Variants in PRDM16 observed in about 807,000 individuals in gnomAD.
The protein encoded by PRDM16 is histone-lysine N-methyltransferase PRDM16.
A neutral mutation model predicts 110.6 loss-of-function variants in PRDM16; 23 were observed. The observed-to-expected ratio is 0.21, with a 90% CI of 0.15 to 0.29. The LOEUF is 0.29. PRDM16 is among the 10% of genes least tolerant of loss of function. The pLI, the probability that PRDM16 is intolerant of heterozygous loss-of-function variation, is 1.00. For missense variants in PRDM16, 1,615 were observed against 1,794.3 expected, an observed-to-expected ratio of 0.90 and a Z score of 1.81; for synonymous variants, 799 against 781.8, an observed-to-expected ratio of 1.02 and a Z score of -0.37.
Position 3,436,187 on chromosome 1 carries a change from G to GT in PRDM16, c.*2377dup, listed in dbSNP as rs1419430950. ...ATTATATGGTTTCTTCTGCGAAAGA[G>GT]TAAGGTGTGTGCTTTTTTTTTTTTG... On this transcript the variant is annotated 3_prime_UTR_variant, in exon 17 of 17. Coordinates refer to ENST00000270722, the MANE Select transcript of PRDM16 (RefSeq NM_022114.4). 2.0e-5 allele frequency: 4 copies of GT among 199,564 alleles called. No individual in the cohort carries two copies. The highest frequency in any genetic ancestry group is 3.7e-5 in the Non-Finnish European group (4 of 107,686). 12.4% of individuals were successfully genotyped at this position (199,564 alleles called of 1,614,324 possible). A position where few individuals can be genotyped will look rare whatever the true frequency, so the allele number is the denominator to read the frequency against.
chr1:3,402,473 C>T lies in PRDM16; in HGVS notation c.677-318C>T, dbSNP rs367573459. On this transcript the variant is annotated intron_variant, in intron 5 of 16. Coordinates refer to ENST00000270722, the MANE Select transcript of PRDM16 (RefSeq NM_022114.4). Reference sequence around the variant, plus strand: ...TTGGCCCGGCTTCCTCCTCCACTCCCGAGCGGGGCCTTCTCCAGCCCACAG... The same window carrying T: ...TTGGCCCGGCTTCCTCCTCCACTCCTGAGCGGGGCCTTCTCCAGCCCACAG... 6.5e-4 allele frequency among the ~76,000 whole-genome samples: 99 copies of T among 152,368 alleles called. No individual in the cohort carries two copies. The South Asian group carries it at 0.014, about 21-fold the overall frequency.
At chr1:3,086,734 C>G (rs543271338) in intron 1 of PRDM16, among the ~76,000 whole-genome samples, 1 of 152,176 alleles carries the variant, frequency 6.6e-6, no homozygotes, top group Non-Finnish European at 1.5e-5. Context: ...TCGGAGCTAA[C>G]GAGTGGTTCT....
intron 1 of PRDM16, among the ~76,000 whole-genome samples, chr1:3,095,919 C>T (rs968777712): frequency 1.3e-5 from 2 of 152,092 alleles, no homozygotes; most frequent in Admixed American, 6.5e-5. Context: ...GAGGTCCGCT[C>T]AGCATCTGAC....
chr1:3,203,852 C>T lies in PRDM16; in HGVS notation c.387+17378C>T, dbSNP rs190807689. ...TCAGCAGGTGAATTCGGGGGGGGCACAATTTACATAGATCCCTTAGACATC... is the reference window on the plus strand; with the variant it reads ...TCAGCAGGTGAATTCGGGGGGGGCATAATTTACATAGATCCCTTAGACATC... On this transcript the variant is annotated intron_variant, in intron 2 of 16. Transcript: ENST00000270722. Among the ~76,000 whole-genome samples the T allele has an allele frequency of 4.4e-3, 675 of 152,208 alleles. 4 individuals carry two copies. The highest frequency in any genetic ancestry group is 0.016 in the South Asian group (76 of 4,814).
chr1:3,294,605 G>A (rs79530166), intron 3 of PRDM16, among the ~76,000 whole-genome samples: 1,896 of 152,100 alleles, frequency 0.012, 38 homozygotes, highest in African/African-American at 0.043. Flanking sequence ...GGAGCAGCCC[G>A]CGTTAGAACA....
In PRDM16 at chr1:3,142,382, C is replaced by T. The variant is rs561292724; in HGVS notation, c.38-43743C>T. On this transcript the variant is annotated intron_variant, in intron 1 of 16. Coordinates refer to ENST00000270722, the MANE Select transcript of PRDM16 (RefSeq NM_022114.4). ...CGGTGGGGACCGGCCCTCCCTGGCT[C>T]CTGCCAGAGACCTGAGCTGGGCCCT... Among the ~76,000 whole-genome samples the T allele has an allele frequency of 5.9e-5, 9 of 152,346 alleles. No homozygotes were observed. In the East Asian group the frequency reaches 1.7e-3, roughly 29 times the overall value.
intron 2 of PRDM16, among the ~76,000 whole-genome samples, chr1:3,218,008 A>G (rs1007912201): frequency 6.6e-6 from 1 of 152,210 alleles, no homozygotes; most frequent in Non-Finnish European, 1.5e-5. Flanking sequence ...CACCGGAGCA[A>G]TAAATCACCC....
rs1379932789 is a variant in PRDM16, at chr1:3,245,093, G to A, written c.438+956G>A. Among the ~76,000 whole-genome samples, 1 of 152,164 alleles carries A rather than the reference G, an allele frequency of 6.6e-6. No individual in the cohort carries two copies. Among genetic ancestry groups the A allele is most frequent in the Non-Finnish European group, 1.5e-5 (1 of 68,034 alleles). ...CGGGGTGGGGCGGGGTGCACCATGGGGGTTGCTGGCACAGAGGAGCCAGTG... is the reference window on the plus strand; with the variant it reads ...CGGGGTGGGGCGGGGTGCACCATGGAGGTTGCTGGCACAGAGGAGCCAGTG... On this transcript the variant is annotated intron_variant, in intron 3 of 16. Transcript: ENST00000270722. This position sits in a 1 kb window ranked among gnomAD's most constrained non-coding sequence, Gnocchi z 4.7.
intron 2 of PRDM16, among the ~76,000 whole-genome samples, chr1:3,236,981 A>T (rs1639553579): frequency 6.6e-6 from 1 of 152,090 alleles, no homozygotes; most frequent in African/African-American, 2.4e-5. Flanking sequence ...GTCCTAGCAA[A>T]GGGAGGAAGC....
chr1:3,114,422 ACACACCAGGTGTAAACAGACG>A (rs1642894418), intron 1 of PRDM16, among the ~76,000 whole-genome samples: 2 of 109,616 alleles, frequency 1.8e-5, no homozygotes, highest in Non-Finnish European at 3.6e-5. Context: ...ACACACATGC[ACACACCAGGTGTAAACAGACG>A]CACACGCACA....
chr1:3,182,207 A>T (rs565263220), intron 1 of PRDM16, among the ~76,000 whole-genome samples: 13 of 151,372 alleles, frequency 8.6e-5, no homozygotes, highest in Non-Finnish European at 1.9e-4. Context: ...ACTCCGAAAA[A>T]CCCCCTTGTA....
chr1:3,146,021 G>C (rs545365049), intron 1 of PRDM16, among the ~76,000 whole-genome samples: 2 of 152,176 alleles, frequency 1.3e-5, no homozygotes, highest in Admixed American at 1.3e-4. Context: ...CCTGGGCCCC[G>C]TTAGGGACGC....
At chr1:3,198,818 T>C (rs1638547007) in intron 2 of PRDM16, among the ~76,000 whole-genome samples, 1 of 152,184 alleles carries the variant, frequency 6.6e-6, no homozygotes, top group Non-Finnish European at 1.5e-5. Context: ...CCAGTTTAAT[T>C]GTACATCCCA....
At chr1:3,094,338 G>A (rs574202401) in intron 1 of PRDM16, among the ~76,000 whole-genome samples, 11 of 152,372 alleles carry the variant, frequency 7.2e-5, no homozygotes, top group Admixed American at 1.3e-4. Flanking sequence ...AGAGCGGAAC[G>A]ACTTGGAAGT....
intron 3 of PRDM16, among the ~76,000 whole-genome samples, chr1:3,314,015 C>G (rs1394718995): frequency 6.8e-6 from 1 of 147,338 alleles, no homozygotes; most frequent in Non-Finnish European, 1.5e-5. Flanking sequence ...GTGTCAGACC[C>G]CAAGGAATAA....
chr1:3,176,709 TATCC>T (rs111683546), intron 1 of PRDM16, among the ~76,000 whole-genome samples: 2,562 of 144,094 alleles, frequency 0.018, 78 homozygotes, highest in East Asian at 0.11. Context: ...TCTGTCCATC[TATCC>T]ATCCATCCAT....
rs559517753 is a variant in PRDM16, at chr1:3,306,189, A to G, written c.438+62052A>G. Reference sequence around the variant, plus strand: ...CATCAGGGCCACATGTCCTGACAGCAAAGAGATGGGACCTGCCACACAAGC... The same window carrying G: ...CATCAGGGCCACATGTCCTGACAGCGAAGAGATGGGACCTGCCACACAAGC... On this transcript the variant is annotated intron_variant, in intron 3 of 16. Transcript: ENST00000270722. 4.6e-5 allele frequency among the ~76,000 whole-genome samples: 7 copies of G among 152,342 alleles called. 2 individuals are homozygous for G. Among genetic ancestry groups the G allele is most frequent in the Middle Eastern group, 6.8e-3 (2 of 294 alleles).
rs955833537 is a variant in PRDM16, at chr1:3,175,638, C to T, written c.38-10487C>T. On this transcript the variant is annotated intron_variant, in intron 1 of 16. Coordinates refer to ENST00000270722, the MANE Select transcript of PRDM16 (RefSeq NM_022114.4). This position sits in a 1 kb window ranked among gnomAD's most constrained non-coding sequence, Gnocchi z 4.8. ...AAGCCTCAGGTGGAAGCTGCAGTCC[C>T]GTGGAGCCAGGCACAGCTCCGGCCA... Among the ~76,000 whole-genome samples the T allele has an allele frequency of 7.9e-5, 12 of 152,146 alleles. No homozygotes were observed. Among genetic ancestry groups the T allele is most frequent in the African/African-American group, 2.2e-4 (9 of 41,412 alleles).
intron 3 of PRDM16, among the ~76,000 whole-genome samples, chr1:3,320,907 GC>G (rs1345506571): frequency 6.6e-6 from 1 of 152,184 alleles, no homozygotes; most frequent in Non-Finnish European, 1.5e-5. Flanking sequence ...GAGGGAGGGG[GC>G]TGGCACGCCC....
Sources: allele counts gnomAD v4.1 joint callset (sites outside exome capture counted in the v4.1 genomes callset), GRCh38; gene constraint gnomAD v4.1.1; non-coding constraint Gnocchi (gnomAD v3.1); transcripts MANE v1.5; gene names NCBI Gene and HGNC (gene_info 2026-07-23, HGNC 2026-07-21).